ERGIC1: variants seen among roughly 807,000 people sequenced by gnomAD.
The protein encoded by ERGIC1 is endoplasmic reticulum-Golgi intermediate compartment protein 1.
Under a neutral mutation model 38.3 loss-of-function variants are expected in ERGIC1, and 19 were observed. The observed-to-expected ratio is 0.50, with a 90% confidence interval of 0.35 to 0.73. ERGIC1 has a LOEUF of 0.73. Ranked by LOEUF, ERGIC1 falls within the 30% of genes least tolerant of loss-of-function variation. The pLI is 0.01. For missense variants in ERGIC1, 294 were observed against 389.2 expected, an observed-to-expected ratio of 0.76 and a Z score of 2.06; for synonymous variants, 124 against 157.6, an observed-to-expected ratio of 0.79 and a Z score of 1.60.
intron 1 of ERGIC1, among the ~76,000 whole-genome samples, chr5:172,873,339 C>G (rs1274049850): frequency 1.3e-5 from 2 of 152,236 alleles, no homozygotes; most frequent in Non-Finnish European, 2.9e-5. Context: ...AAGCCTGACT[C>G]CCGGCCAAGC....
At chr5:172,922,689 G>A (rs977094956) in intron 5 of ERGIC1, among the ~76,000 whole-genome samples, 1 of 152,272 alleles carries the variant, frequency 6.6e-6, no homozygotes, top group East Asian at 1.9e-4. Flanking sequence ...AGGAGGCCAA[G>A]CGGTGGGGAC....
Position 172,883,932 on chromosome 5 carries a change from C to T in ERGIC1, c.21-4767C>T, listed in dbSNP as rs552418167. Among the ~76,000 whole-genome samples, 8 of 152,250 alleles carry T rather than the reference C, an allele frequency of 5.3e-5. No homozygotes were observed. In the East Asian group the frequency reaches 9.6e-4, roughly 18 times the overall value. On this transcript the variant is annotated intron_variant, in intron 1 of 9. Coordinates refer to ENST00000393784, the MANE Select transcript of ERGIC1 (RefSeq NM_001031711.3). ...TTGGGAGGTTGAGGCTGCAGTGAGT[C>T]ATCACATCACTGCACTCCAGCCTGG...
chr5:172,858,481 C>T (rs1007319758), intron 1 of ERGIC1, among the ~76,000 whole-genome samples: 5 of 152,218 alleles, frequency 3.3e-5, no homozygotes, highest in African/African-American at 1.2e-4. Context: ...TAGGCCCTTC[C>T]TCGTCAGTCA....
rs373251824 is a variant in ERGIC1 at position 172,897,107 on chromosome 5, G to T, written c.155+33G>T. On this transcript the variant is annotated intron_variant, in intron 3 of 9. Transcript: ENST00000393784. ...ATACTTTCCCGATGGGGCATTCCAG[G>T]ATGTTCTGGGACCCCAGACAAGAAG... is the stretch of plus-strand genomic sequence containing the variant. 9 of 1,602,754 alleles carry T rather than the reference G, an allele frequency of 5.6e-6. No individual in the cohort carries two copies. The Admixed American group carries it at 8.3e-5, about 15-fold the overall frequency.
chr5:172,894,541 C>T (rs1762676376), intron 2 of ERGIC1, among the ~76,000 whole-genome samples: 1 of 152,120 alleles, frequency 6.6e-6, no homozygotes, highest in African/African-American at 2.4e-5. Flanking sequence ...TAGTATCCCC[C>T]ATGTCTCAGG....
rs541831980 is a variant in ERGIC1, at chr5:172,837,192, C to T, written c.20+2759C>T. On this transcript the variant is annotated intron_variant, in intron 1 of 9. Transcript: ENST00000393784. This position sits in a 1 kb window ranked among gnomAD's most constrained non-coding sequence, Gnocchi z 4.3. ...AATAGTGCACTCTTGCCCTTCCCTACGGATACTTCTGATTTTCTTACTGCC... is the reference window on the plus strand; with the variant it reads ...AATAGTGCACTCTTGCCCTTCCCTATGGATACTTCTGATTTTCTTACTGCC... 2.4e-4 allele frequency among the ~76,000 whole-genome samples: 37 copies of T among 152,286 alleles called. No individual in the cohort carries two copies. Among genetic ancestry groups the T allele is most frequent in the African/African-American group, 8.7e-4 (36 of 41,558 alleles).
intron 3 of ERGIC1, among the ~76,000 whole-genome samples, chr5:172,899,584 G>A (rs1724588847): frequency 6.6e-6 from 1 of 151,994 alleles, no homozygotes; most frequent in African/African-American, 2.4e-5. Context: ...GTAATCCCAG[G>A]CTGGGATTAC....
rs537959320 is a variant in ERGIC1 at position 172,887,437 on chromosome 5, C to G, written c.21-1262C>G. ...TCACATCCTTTACAGACACTTCTTT[C>G]CCTCACTCCTTTCCGTGGCCTCACA... On this transcript the variant is annotated intron_variant, in intron 1 of 9. Coordinates refer to ENST00000393784, the MANE Select transcript of ERGIC1 (RefSeq NM_001031711.3). Among the ~76,000 whole-genome samples, 25 of 152,354 alleles carry G rather than the reference C, an allele frequency of 1.6e-4. No homozygotes were observed. In the South Asian group the frequency reaches 5.2e-3, roughly 32 times the overall value.
chr5:172,858,367 G>C (rs146939460), intron 1 of ERGIC1, among the ~76,000 whole-genome samples: 3 of 152,338 alleles, frequency 2.0e-5, no homozygotes, highest in African/African-American at 7.2e-5. Context: ...TTACAGGGTG[G>C]TGAGCAGATC....
intron 1 of ERGIC1, among the ~76,000 whole-genome samples, chr5:172,877,456 A>T (rs868694630): frequency 2.8e-3 from 225 of 79,744 alleles, no homozygotes; most frequent in Middle Eastern, 6.1e-3. Flanking sequence ...ATATATATAT[A>T]TATTTTTTTT....
rs115304241 is a variant in ERGIC1 at position 172,940,699 on chromosome 5, C to A, written c.765+5389C>A. ...AACCTGTCATTCTTGGAGAGTTGCG[C>A]AGCTCCCTTAACTCAAGTGGTGCTC... On this transcript the variant is annotated intron_variant, in intron 9 of 9. Coordinates refer to ENST00000393784, the MANE Select transcript of ERGIC1 (RefSeq NM_001031711.3). Among the ~76,000 whole-genome samples the A allele has an allele frequency of 4.2e-3, 642 of 152,246 alleles. 8 individuals carry two copies. The highest frequency in any genetic ancestry group is 0.015 in the African/African-American group (606 of 41,530).
rs1471713494 is a variant in ERGIC1 at position 172,926,159 on chromosome 5, A to T, written c.481-350A>T. On this transcript the variant is annotated intron_variant, in intron 6 of 9. Transcript: ENST00000393784. The surrounding 1 kb of genome is among the most constrained non-coding windows in gnomAD (Gnocchi z 5.2). ...TAGTGTCAGACAGACCTGATTTCAG[A>T]GTTTAGCTTAGCCACTTACCAGCCG... is the stretch of plus-strand genomic sequence containing the variant. Among the ~76,000 whole-genome samples the T allele has an allele frequency of 6.6e-6, 1 of 152,128 alleles. No homozygotes were observed. The highest frequency in any genetic ancestry group is 1.5e-5 in the Non-Finnish European group (1 of 68,026).
intron 1 of ERGIC1, among the ~76,000 whole-genome samples, chr5:172,845,869 A>G (rs1761271918): frequency 6.6e-6 from 1 of 151,460 alleles, no homozygotes; most frequent in Non-Finnish European, 1.5e-5. Context: ...CCAGGATCCC[A>G]TCGAAGGTCC....
intron 4 of ERGIC1, among the ~76,000 whole-genome samples, chr5:172,913,924 T>G (rs139721898): frequency 6.6e-6 from 1 of 152,194 alleles, no homozygotes; most frequent in East Asian, 1.9e-4. Flanking sequence ...CTGAGCCTAT[T>G]CACCCCATAA....
intron 1 of ERGIC1, among the ~76,000 whole-genome samples, chr5:172,852,483 G>A (rs1761436184): frequency 6.6e-6 from 1 of 152,220 alleles, no homozygotes; most frequent in Non-Finnish European, 1.5e-5. Flanking sequence ...ACTGGCCTTT[G>A]GGAAATAGTA....
At chr5:172,949,662 G>C (rs887400670) in intron 9 of ERGIC1, among the ~76,000 whole-genome samples, 1 of 151,674 alleles carries the variant, frequency 6.6e-6, no homozygotes, top group Non-Finnish European at 1.5e-5. Flanking sequence ...TGGCGGGGGG[G>C]GGTATGATTG....
At chr5:172,893,905 A>ATATATATGTGTGTGTG (rs1173039695) in intron 2 of ERGIC1, among the ~76,000 whole-genome samples, 22 of 15,532 alleles carry the variant, frequency 1.4e-3, no homozygotes, top group Admixed American at 5.5e-3. Context: ...ATATATATAT[A>ATATATATGTGTGTGTG]TGTGTGTGTG....
intron 9 of ERGIC1, among the ~76,000 whole-genome samples, chr5:172,941,263 A>G (rs1764006890): frequency 6.6e-6 from 1 of 152,156 alleles, no homozygotes; most frequent in Admixed American, 6.5e-5. Context: ...GAAAAAAAAA[A>G]AGGTGATCAT....
At chr5:172,906,414 A>G (rs1455069998) in intron 3 of ERGIC1, among the ~76,000 whole-genome samples, 1 of 152,068 alleles carries the variant, frequency 6.6e-6, no homozygotes, top group Non-Finnish European at 1.5e-5. Context: ...ACAGGCGCAC[A>G]TGGGACAGCA....
Sources: allele counts gnomAD v4.1 joint callset (sites outside exome capture counted in the v4.1 genomes callset), GRCh38; gene constraint gnomAD v4.1.1; non-coding constraint Gnocchi (gnomAD v3.1); transcripts MANE v1.5; gene names NCBI Gene and HGNC (gene_info 2026-07-23, HGNC 2026-07-21).